Variants in TBL1XR1 observed in about 807,000 individuals in gnomAD.
The protein encoded by TBL1XR1 is F-box-like/WD repeat-containing protein TBL1XR1.
In TBL1XR1, 5 loss-of-function variants were observed where a neutral mutation model predicts 66.9. That is an observed-to-expected ratio of 0.07 (90% confidence interval 0.04 to 0.16). TBL1XR1 has a LOEUF of 0.16. TBL1XR1 is among the 10% of genes least tolerant of loss of function. The probability of loss-of-function intolerance (pLI) is 1.00; values close to 1 mark genes in which losing one functional copy is unlikely to be tolerated. For synonymous variants in TBL1XR1, 210 were observed against 206.0 expected, an observed-to-expected ratio of 1.02 and a Z score of -0.17; for missense variants, 238 against 623.2, an observed-to-expected ratio of 0.38 and a Z score of 6.58.
intron 15 of TBL1XR1, chr3:177,026,043 T>C (rs769525414): frequency 2.9e-5 from 9 of 311,446 alleles, no homozygotes; most frequent in African/African-American, 2.0e-4. Context: ...AAAATTCTTC[T>C]GTGAAGAGGA....
At position 177,021,960 on chromosome 3, in the gene TBL1XR1, G is replaced by A. The variant is rs1358725789; in HGVS notation, c.*3538C>T. 1 of 152,506 alleles carries A rather than the reference G, an allele frequency of 6.6e-6. No homozygotes were observed. The allele number at this position is 152,506 out of a possible 1,614,324, so 9.4% of individuals were successfully genotyped here. A position where few individuals can be genotyped will look rare whatever the true frequency, so the allele number is the denominator to read the frequency against. On this transcript the variant is annotated 3_prime_UTR_variant, in exon 16 of 16. Coordinates refer to ENST00000457928, the MANE Select transcript of TBL1XR1 (RefSeq NM_024665.7). ...AAACTTGTCATTTTTGCTCACTTAAGTATGATCATTTGTGATTCCTTTAAA... is the reference window on the plus strand; with the variant it reads ...AAACTTGTCATTTTTGCTCACTTAAATATGATCATTTGTGATTCCTTTAAA...
chr3:177,027,586 C>G (rs1260792608), intron 14 of TBL1XR1: 1 of 151,622 alleles, frequency 6.6e-6, no homozygotes, highest in Non-Finnish European at 1.5e-5. Context: ...TTATGGTAAC[C>G]TAAAGTCAAG....
In TBL1XR1 at chr3:177,051,585, C is replaced by A. The variant is rs372813783; in HGVS notation, c.346G>T (p.Ala116Ser). The change falls in exon 5 of 16, where the codon GCT becomes TCT. Residue 116 changes from alanine (A) to serine (S), a missense_variant. By Grantham distance (99) the Ala-to-Ser change is moderately conservative (BLOSUM62 1). This residue lies in a region of TBL1XR1 where 80 missense variants were observed against 100.5 expected (regional missense o/e 0.80). Transcript: ENST00000457928. ...GCAGATCCTTGTTGGCTGGCTGCAG[C>A]TGCGGCAGCTGCAGCAGCTGCTGCC... ...QQAAAAAAAA[A>S]AASQQGSAKN... 78 of 1,613,400 alleles carry A rather than the reference C, an allele frequency of 4.8e-5. No homozygotes were observed. Among genetic ancestry groups the A allele is most frequent in the Non-Finnish European group, 6.1e-5 (72 of 1,179,750 alleles).
At chr3:177,191,227 T>G (rs1425001056) in intron 1 of TBL1XR1, among the ~76,000 whole-genome samples, 1 of 152,172 alleles carries the variant, frequency 6.6e-6, no homozygotes, top group African/African-American at 2.4e-5. Context: ...CATTATGGGT[T>G]CTCCAGCAGG....
intron 1 of TBL1XR1, chr3:177,160,724 G>A (rs992979136): frequency 1.3e-5 from 2 of 151,996 alleles, no homozygotes; most frequent in Non-Finnish European, 2.9e-5. Context: ...GCCCAGGCGT[G>A]GTGGTTCACA....
At chr3:177,100,411 C>T (rs1254802381) in intron 1 of TBL1XR1, among the ~76,000 whole-genome samples, 1 of 147,118 alleles carries the variant, frequency 6.8e-6, no homozygotes, top group African/African-American at 2.4e-5. Context: ...TCATCAACAC[C>T]AACAGTGAAT....
intron 9 of TBL1XR1, 100 bp from the exon 10 acceptor site, chr3:177,046,289 G>A: frequency 1.2e-6 from 1 of 842,242 alleles, no homozygotes; most frequent in Non-Finnish European, 1.8e-6. Flanking sequence ...TGAAATGTCA[G>A]AGTGGATTTA....
chr3:177,101,826 AATGT>A (rs1300220477), intron 1 of TBL1XR1, among the ~76,000 whole-genome samples: 1 of 152,234 alleles, frequency 6.6e-6, no homozygotes, highest in Non-Finnish European at 1.5e-5. Context: ...CGAATGAATG[AATGT>A]ATCACCGGTG....
At chr3:177,030,742 T>C (rs1247518794) in intron 14 of TBL1XR1, among the ~76,000 whole-genome samples, 1 of 152,234 alleles carries the variant, frequency 6.6e-6, no homozygotes, top group African/African-American at 2.4e-5. Flanking sequence ...CTAACTTGAA[T>C]ATACATGGAA....
intron 1 of TBL1XR1, among the ~76,000 whole-genome samples, chr3:177,108,644 G>A (rs1725175296): frequency 6.6e-6 from 1 of 151,796 alleles, no homozygotes; most frequent in African/African-American, 2.4e-5. Context: ...AGTTTAAAAG[G>A]GAGCAAAAAG....
intron 2 of TBL1XR1, among the ~76,000 whole-genome samples, chr3:177,095,453 T>C (rs930812321): frequency 1.3e-5 from 2 of 151,452 alleles, no homozygotes; most frequent in African/African-American, 4.8e-5. Flanking sequence ...AAACATTTTA[T>C]ACAGGAAAGC....
At chr3:177,140,208 G>A (rs761996067) in intron 1 of TBL1XR1, among the ~76,000 whole-genome samples, 8 of 152,204 alleles carry the variant, frequency 5.3e-5, no homozygotes, top group Non-Finnish European at 1.0e-4. Context: ...GGCTGAGGCA[G>A]AAGAATCGCT....
At chr3:177,039,948 C>T (rs574239532) in intron 10 of TBL1XR1, among the ~76,000 whole-genome samples, 1 of 152,242 alleles carries the variant, frequency 6.6e-6, no homozygotes, top group South Asian at 2.1e-4. Context: ...ATCTTATGGC[C>T]TACAATGTCT....
At chr3:177,175,390 C>A (rs1366708388) in intron 1 of TBL1XR1, among the ~76,000 whole-genome samples, 1 of 152,152 alleles carries the variant, frequency 6.6e-6, no homozygotes, top group Non-Finnish European at 1.5e-5. Context: ...GTAACAAATG[C>A]ACCTGAACTC....
At chr3:177,201,414 CAAA>C (rs557996871), upstream of TBL1XR1, among the ~76,000 whole-genome samples, 53 of 41,320 alleles carry the variant, frequency 1.3e-3, no homozygotes, top group African/African-American at 3.6e-3. Context: ...GATTACATCT[CAAA>C]AAAAAAAAAA....
At chr3:177,159,361 T>C (rs1270568726) in intron 1 of TBL1XR1, among the ~76,000 whole-genome samples, 2 of 152,200 alleles carry the variant, frequency 1.3e-5, no homozygotes, top group African/African-American at 2.4e-5. Context: ...ATACATTTTA[T>C]AAAATAAGGG....
intron 2 of TBL1XR1, among the ~76,000 whole-genome samples, chr3:177,087,905 C>T (rs1334210026): frequency 6.6e-6 from 1 of 151,890 alleles, no homozygotes; most frequent in Non-Finnish European, 1.5e-5. Context: ...ATAGTACACC[C>T]AAAGAAAATT....
chr3:177,102,798 G>T (rs1003634136), intron 1 of TBL1XR1, among the ~76,000 whole-genome samples: 2 of 152,032 alleles, frequency 1.3e-5, no homozygotes, highest in African/African-American at 4.8e-5. Flanking sequence ...CTCCTCCAAA[G>T]ATCAGGCCCA....
At chr3:177,199,401 A>AAATGAC (rs1737297026), upstream of TBL1XR1, among the ~76,000 whole-genome samples, 1 of 151,674 alleles carries the variant, frequency 6.6e-6, no homozygotes, top group Non-Finnish European at 1.5e-5. Context: ...TTGAGTTGAT[A>AAATGAC]AATGACGTAG....
Sources: allele counts gnomAD v4.1 joint callset (sites outside exome capture counted in the v4.1 genomes callset), GRCh38; gene constraint gnomAD v4.1.1; regional missense constraint gnomAD v4.1.1; transcripts MANE v1.5; gene names NCBI Gene and HGNC (gene_info 2026-07-23, HGNC 2026-07-21).